The following PLXNA4 variants were observed in gnomAD, a reference collection of about 807,000 sequenced individuals.
PLXNA4 encodes the protein plexin-A4.
In PLXNA4, 44 loss-of-function variants were observed where a neutral mutation model predicts 191.8. The ratio of observed to expected loss-of-function variants is 0.23; its 90% confidence interval spans 0.18 to 0.29. The LOEUF is 0.29. Ranked by LOEUF, PLXNA4 falls within the 10% of genes least tolerant of loss-of-function variation. PLXNA4 has a pLI of 1.00. For synonymous variants in PLXNA4, 1,082 were observed against 1,009.5 expected, an observed-to-expected ratio of 1.07 and a Z score of -1.36; for missense variants, 1,800 against 2,488.8, an observed-to-expected ratio of 0.72 and a Z score of 5.89.
chr7:132,353,357 A>G (rs1381207093), intron 3 of PLXNA4, among the ~76,000 whole-genome samples: 1 of 152,110 alleles, frequency 6.6e-6, no homozygotes, highest in Non-Finnish European at 1.5e-5. Context: ...ACTAATTGTT[A>G]TGGTATAAAC....
chr7:132,137,410 AT>A (rs1489621753), intron 30 of PLXNA4, among the ~76,000 whole-genome samples: 1 of 68,818 alleles, frequency 1.5e-5, no homozygotes, highest in Admixed American at 1.5e-4. Flanking sequence ...ATCAGAGGAA[AT>A]CAATCACTAC....
intron 2 of PLXNA4, among the ~76,000 whole-genome samples, chr7:132,597,984 T>G (rs1563190585): frequency 6.6e-6 from 1 of 152,152 alleles, no homozygotes; most frequent in Non-Finnish European, 1.5e-5. Flanking sequence ...CTGGGTGCAA[T>G]CCCGTTAGGG....
chr7:132,526,424 A>G (rs1467207366), intron 1 of PLXNA4, among the ~76,000 whole-genome samples: 1 of 152,188 alleles, frequency 6.6e-6, no homozygotes, highest in Non-Finnish European at 1.5e-5. Context: ...CTGACAGGAA[A>G]ACAAATGTAG....
At chr7:132,180,753 C>T (rs775193471) in intron 18 of PLXNA4, 21 bp from the exon 19 acceptor site, 1 of 1,602,738 alleles carries the variant, frequency 6.2e-7, no homozygotes. Context: ...GGGAAAGCAC[C>T]AGTTCCCACC....
At position 132,604,266 on chromosome 7, in the gene PLXNA4, C is replaced by A. The variant is rs149521045; in HGVS notation, c.-87+41662G>T. Among the ~76,000 whole-genome samples the A allele has an allele frequency of 3.9e-4, 59 of 152,286 alleles. No individual in the cohort carries two copies. The East Asian group carries it at 9.3e-3, about 24-fold the overall frequency. ...ATAGTGGCCCATGAACTCCCACTAG[C>A]TCAGGAGCTGATGGGGACCCTGTGC... On this transcript the variant is annotated intron_variant, in intron 2 of 4. Transcript: ENST00000378539.
chr7:132,418,884 T>C (rs983978449), intron 3 of PLXNA4, among the ~76,000 whole-genome samples: 2 of 152,220 alleles, frequency 1.3e-5, no homozygotes, highest in African/African-American at 4.8e-5. Flanking sequence ...CTTTCTTTTT[T>C]AATGGCTGGG....
intron 4 of PLXNA4, among the ~76,000 whole-genome samples, chr7:132,281,116 T>A (rs1800463161): frequency 6.6e-6 from 1 of 152,192 alleles, no homozygotes; most frequent in African/African-American, 2.4e-5. Context: ...AAGAGTGATG[T>A]GCTAGAATTG....
At chr7:132,391,061 G>A (rs1341472879) in intron 3 of PLXNA4, among the ~76,000 whole-genome samples, 2 of 152,174 alleles carry the variant, frequency 1.3e-5, no homozygotes, top group Admixed American at 6.5e-5. Context: ...GTAAAGCAAA[G>A]GGATGATGGA....
intron 3 of PLXNA4, among the ~76,000 whole-genome samples, chr7:132,477,524 T>C (rs112787594): frequency 0.013 from 2,049 of 152,330 alleles, 28 homozygotes; most frequent in Middle Eastern, 0.051. Context: ...GCCTTCGTTA[T>C]TGTTGTTGTA....
intron 20 of PLXNA4, among the ~76,000 whole-genome samples, chr7:132,177,043 G>C (rs1584798663): frequency 6.6e-6 from 1 of 151,110 alleles, no homozygotes; most frequent in East Asian, 1.9e-4. Flanking sequence ...GTATATGTCA[G>C]TGTGTGTGTA....
intron 25 of PLXNA4, among the ~76,000 whole-genome samples, chr7:132,150,886 GC>G (rs1471201293): frequency 6.6e-6 from 1 of 152,208 alleles, no homozygotes; most frequent in Non-Finnish European, 1.5e-5. Context: ...CACAGCCTGG[GC>G]GGCCATACTC....
intron 1 of PLXNA4, among the ~76,000 whole-genome samples, chr7:132,546,303 A>G (rs1800304402): frequency 6.6e-6 from 1 of 152,230 alleles, no homozygotes; most frequent in Non-Finnish European, 1.5e-5. Context: ...AAGGACAAGT[A>G]TTAGGGATCC....
chr7:132,277,872 A>C (rs1800336517), intron 4 of PLXNA4, among the ~76,000 whole-genome samples: 1 of 152,186 alleles, frequency 6.6e-6, no homozygotes, highest in South Asian at 2.1e-4. Context: ...TTGTGGCCAA[A>C]GCAACCGTAG....
At chr7:132,316,515 A>G (rs1801950562) in intron 3 of PLXNA4, among the ~76,000 whole-genome samples, 1 of 152,168 alleles carries the variant, frequency 6.6e-6, no homozygotes, top group Non-Finnish European at 1.5e-5. Flanking sequence ...ATTTAACCCT[A>G]GCCTATAAAG....
At chr7:132,202,031 C>T (rs1347368616) in intron 12 of PLXNA4, among the ~76,000 whole-genome samples, 2 of 152,176 alleles carry the variant, frequency 1.3e-5, no homozygotes, top group Admixed American at 6.5e-5. Flanking sequence ...CCCCAAGGTA[C>T]TCAGCAAACA....
At chr7:132,152,687 C>T (rs1265085492) in intron 25 of PLXNA4, among the ~76,000 whole-genome samples, 1 of 152,226 alleles carries the variant, frequency 6.6e-6, no homozygotes, top group African/African-American at 2.4e-5. Context: ...CCCGTGAAGG[C>T]TGAGCCTCTT....
chr7:132,148,249 G>T (rs984594853), intron 26 of PLXNA4, among the ~76,000 whole-genome samples: 4 of 152,170 alleles, frequency 2.6e-5, no homozygotes, highest in Non-Finnish European at 5.9e-5. Context: ...CTCAATCCCA[G>T]TGCTTCCCTG....
At chr7:132,463,090 T>C (rs1796575136) in intron 3 of PLXNA4, among the ~76,000 whole-genome samples, 1 of 152,120 alleles carries the variant, frequency 6.6e-6, no homozygotes, top group Admixed American at 6.5e-5. Flanking sequence ...CCTCAAGTGA[T>C]CCACCCCCCT....
chr7:132,230,727 C>T (rs1404038333), intron 5 of PLXNA4, among the ~76,000 whole-genome samples: 1 of 152,222 alleles, frequency 6.6e-6, no homozygotes, highest in Non-Finnish European at 1.5e-5. Context: ...CTCCCATTAA[C>T]AGCAGACCCA....
Sources: allele counts gnomAD v4.1 joint callset (sites outside exome capture counted in the v4.1 genomes callset), GRCh38; gene constraint gnomAD v4.1.1; transcripts MANE v1.5; gene names NCBI Gene and HGNC (gene_info 2026-07-23, HGNC 2026-07-21).